Variants in HAUS7 observed in about 807,000 individuals in gnomAD.
HAUS7 encodes HAUS augmin-like complex subunit 7.
Under a neutral mutation model 28.4 loss-of-function variants are expected in HAUS7, and 3 were observed. The ratio of observed to expected loss-of-function variants is 0.11; its 90% CI spans 0.05 to 0.27. The LOEUF (loss-of-function observed/expected upper bound fraction) is 0.27, where lower values mean the gene tolerates loss of function less well. HAUS7 is among the 10% of genes least tolerant of loss of function. The pLI, the probability that HAUS7 is intolerant of heterozygous loss-of-function variation, is 1.00. For missense variants in HAUS7, 284 were observed against 297.3 expected, an observed-to-expected ratio of 0.96 and a Z score of 0.33; for synonymous variants, 165 against 132.1, an observed-to-expected ratio of 1.25 and a Z score of -1.71.
At chrX:153,486,694 C>G in intron 1 of HAUS7, 1 of 982,926 alleles carries the variant, frequency 1.0e-6, no homozygotes, top group Non-Finnish European at 1.3e-6. Context: ...TACCTCCACA[C>G]ACCTGGAGAA....
At chrX:153,448,242 T>C (rs1040025886) in intron 9 of HAUS7, among the ~76,000 whole-genome samples, 2 of 109,931 alleles carry the variant, frequency 1.8e-5, no homozygotes, top group Non-Finnish European at 1.9e-5. Context: ...ATGTCCTTTG[T>C]AGGGACATGG....
At chrX:153,463,569 T>C (rs1444196703) in intron 3 of HAUS7, among the ~76,000 whole-genome samples, 2 of 112,427 alleles carry the variant, frequency 1.8e-5, no homozygotes, top group Non-Finnish European at 3.8e-5. Flanking sequence ...CCCAGCACAG[T>C]GGGCCAGGGG....
chrX:153,486,114 G>A (rs2124186514), intron 1 of HAUS7: 1 of 922,657 alleles, frequency 1.1e-6, no homozygotes, highest in Non-Finnish European at 1.4e-6. Context: ...CCCCCTCCTC[G>A]ACCCCACACC....
At chrX:153,450,161 T>C (rs1569530479) in intron 9 of HAUS7, among the ~76,000 whole-genome samples, 2 of 111,181 alleles carry the variant, frequency 1.8e-5, no homozygotes, top group African/African-American at 3.3e-5. Flanking sequence ...AGGAGTTCCA[T>C]GGAGGCGAGG....
Position 153,493,184 on chromosome X carries a change from C to G in HAUS7, c.-589+2190G>C, listed in dbSNP as rs2089682303. Among the ~76,000 whole-genome samples, 3 of 112,385 alleles carry G rather than the reference C, an allele frequency of 2.7e-5. No homozygotes were observed. The South Asian group carries it at 1.1e-3, about 42-fold the overall frequency. The stretch of plus-strand genomic sequence containing the variant: ...AAACCCATACCTTTAGGTACCACCC[C>G]TCTAGCACCCACTGCCCACAAATCC... On this transcript the variant is annotated intron_variant, in intron 1 of 5. Coordinates refer to the HAUS7 transcript ENST00000370210.
At chrX:153,479,569 CA>C (rs1205069095) in intron 1 of HAUS7, among the ~76,000 whole-genome samples, 3 of 111,661 alleles carry the variant, frequency 2.7e-5, no homozygotes, top group African/African-American at 9.8e-5. Flanking sequence ...GCGGGCGCTA[CA>C]GTGAGGCTGA....
At chrX:153,486,554 G>A in intron 1 of HAUS7, 6 of 813,647 alleles carry the variant, frequency 7.4e-6, no homozygotes, top group Non-Finnish European at 1.0e-5. Context: ...AGGGGTCTCT[G>A]TCTCTTCTTG....
chrX:153,451,631 G>T (rs1393387909), intron 9 of HAUS7, among the ~76,000 whole-genome samples: 1 of 112,373 alleles, frequency 8.9e-6, no homozygotes, highest in Non-Finnish European at 1.9e-5. Flanking sequence ...TGCAACAGTG[G>T]AAAACATTTA....
intron 1 of HAUS7, among the ~76,000 whole-genome samples, chrX:153,490,362 G>T: frequency 8.9e-6 from 1 of 112,892 alleles, no homozygotes; most frequent in Non-Finnish European, 1.9e-5. Flanking sequence ...GTCAAAAAAA[G>T]CTCCTGGCAT....
intron 8 of HAUS7, 52 bp downstream of exon 8, chrX:153,455,490 C>G (rs782257325): frequency 1.3e-4 from 109 of 824,380 alleles, no homozygotes; most frequent in Admixed American, 2.3e-4. Context: ...AGCTCTCAGT[C>G]TGAGTGAACA....
intron 1 of HAUS7, chrX:153,483,341 G>A: frequency 1.3e-6 from 1 of 755,298 alleles, no homozygotes; most frequent in Middle Eastern, 6.2e-4. Context: ...CGAGGAGGTG[G>A]CGGAGGGCGC....
chrX:153,450,870 G>C (rs1003263033), intron 9 of HAUS7, among the ~76,000 whole-genome samples: 1 of 112,371 alleles, frequency 8.9e-6, no homozygotes, highest in East Asian at 2.8e-4. Flanking sequence ...TCGAGACCAC[G>C]GCCCTCAAGG....
intron 1 of HAUS7, chrX:153,481,545 G>A (rs375267624): frequency 1.5e-5 from 11 of 754,960 alleles, no homozygotes; most frequent in Admixed American, 8.6e-5. Context: ...CCTCTCTGCC[G>A]GCCTCGTGCC....
At chrX:153,463,968 C>T (rs1319491898) in intron 3 of HAUS7, among the ~76,000 whole-genome samples, 4 of 112,807 alleles carry the variant, frequency 3.5e-5, no homozygotes, top group African/African-American at 1.3e-4. Flanking sequence ...AGCACGCAAG[C>T]GCCACGAGGG....
chrX:153,475,821 AGAGAG>A (rs2089559055), intron 1 of HAUS7, among the ~76,000 whole-genome samples: 1 of 107,693 alleles, frequency 9.3e-6, no homozygotes, highest in Non-Finnish European at 1.9e-5. Context: ...GTGCTCCTGC[AGAGAG>A]CAGGAGAGCA....
intron 1 of HAUS7, among the ~76,000 whole-genome samples, chrX:153,492,942 A>G (rs1330909363): frequency 8.9e-6 from 1 of 111,884 alleles, no homozygotes; most frequent in Non-Finnish European, 1.9e-5. Context: ...GTCCCCAAGC[A>G]GTGCAGGAAG....
At chrX:153,476,742 A>G (rs1461946753) in intron 1 of HAUS7, among the ~76,000 whole-genome samples, 1 of 111,916 alleles carries the variant, frequency 8.9e-6, no homozygotes, top group East Asian at 2.8e-4. Flanking sequence ...TGGGAGCCCA[A>G]AGCTCTTTCC....
At chrX:153,455,140 G>A (rs1341551668) in intron 8 of HAUS7, 2 of 504,622 alleles carry the variant, frequency 4.0e-6, no homozygotes, top group Admixed American at 2.9e-5. Flanking sequence ...CAGACAGGCA[G>A]GCATTTGTCT....
At chrX:153,482,838 G>A (rs916256575) in intron 1 of HAUS7, 153 of 635,468 alleles carry the variant, frequency 2.4e-4, no homozygotes, top group Non-Finnish European at 2.8e-4. Context: ...AACCGGCTGC[G>A]GGCCATCCCA....
Sources: allele counts gnomAD v4.1 joint callset (sites outside exome capture counted in the v4.1 genomes callset), GRCh38; gene constraint gnomAD v4.1.1; transcripts MANE v1.5; gene names NCBI Gene and HGNC (gene_info 2026-07-23, HGNC 2026-07-21).